SCEL: variants seen among roughly 807,000 people sequenced by gnomAD.
SCEL encodes the protein sciellin.
A neutral mutation model predicts 117.6 loss-of-function variants in SCEL; 113 were observed. The observed-to-expected ratio is 0.96, with a 90% CI of 0.83 to 1.12. The LOEUF is 1.12. Among genes scored for constraint, SCEL ranks in the 50% most tolerant of loss-of-function variants. The pLI, the probability that SCEL is intolerant of heterozygous loss-of-function variation, is 0.00. For synonymous variants in SCEL, 270 were observed against 256.2 expected (o/e 1.05, Z -0.51); for missense variants, 785 against 810.8 (o/e 0.97, Z 0.39).
At chr13:77,593,695 T>A in intron 12 of SCEL, 122 bp downstream of exon 12, 1 of 631,534 alleles carries the variant, frequency 1.6e-6, no homozygotes, top group Non-Finnish European at 2.7e-6. Flanking sequence ...GTATATAATT[T>A]AAAATAAGAA....
At chr13:77,630,061 A>C (rs1041085216) in intron 28 of SCEL, among the ~76,000 whole-genome samples, 3 of 152,128 alleles carry the variant, frequency 2.0e-5, no homozygotes, top group Non-Finnish European at 4.4e-5. Flanking sequence ...TGGGGAAAAC[A>C]GGTTTTGGTT....
intron 31 of SCEL, among the ~76,000 whole-genome samples, chr13:77,641,006 T>G (rs1051716011): frequency 3.3e-5 from 5 of 152,146 alleles, no homozygotes; most frequent in African/African-American, 1.2e-4. Context: ...ACTGACACAT[T>G]TATTCACTCT....
At chr13:77,571,865 A>G (rs1249291830) in intron 8 of SCEL, among the ~76,000 whole-genome samples, 1 of 152,002 alleles carries the variant, frequency 6.6e-6, no homozygotes, top group African/African-American at 2.4e-5. Context: ...TGTTTTCTAG[A>G]TTTGCTTTAG....
chr13:77,617,596 A>C lies in SCEL; in HGVS notation c.1452-3A>C. On this transcript the variant is annotated splice_polypyrimidine_tract_variant and splice_region_variant and intron_variant, in intron 24 of 32. Coordinates refer to ENST00000349847, the MANE Select transcript of SCEL (RefSeq NM_144777.3). ...GTTGCTTTAATATTTTTTCCACTTAAAGAAAACAAGATCTTGATAAACTCA... is the reference window on the plus strand; with the variant it reads ...GTTGCTTTAATATTTTTTCCACTTACAGAAAACAAGATCTTGATAAACTCA... The C allele has an allele frequency of 6.3e-7, 1 of 1,575,970 alleles. No homozygotes were observed.
At chr13:77,559,510 AAACACAACACAACAC>A (rs5804911) in intron 3 of SCEL, among the ~76,000 whole-genome samples, 6 of 151,174 alleles carry the variant, frequency 4.0e-5, no homozygotes, top group South Asian at 2.1e-4. Flanking sequence ...CAGTCTGATA[AAACACAACACAACAC>A]AACACAACAC....
chr13:77,590,367 T>C (rs980642951), intron 10 of SCEL, among the ~76,000 whole-genome samples: 1 of 152,148 alleles, frequency 6.6e-6, no homozygotes, highest in African/African-American at 2.4e-5. Context: ...AAAATATAGA[T>C]CAGATTTATA....
In SCEL at chr13:77,568,483, G is replaced by T. The variant is rs542662951; in HGVS notation, c.398+150G>T. 6.9e-5 allele frequency: 37 copies of T among 537,910 alleles called. No homozygotes were observed. In the South Asian group the frequency reaches 9.9e-4, roughly 14 times the overall value. 33.3% of individuals were successfully genotyped at this position (537,910 alleles called of 1,614,324 possible). ...GTAGAAGACAATACCAAAATGGTCT[G>T]TAAAGGTTCAAATGTGACTATCTGG... is the stretch of plus-strand genomic sequence containing the variant. On this transcript the variant is annotated intron_variant, in intron 7 of 32. Coordinates refer to ENST00000349847, the MANE Select transcript of SCEL (RefSeq NM_144777.3).
intron 9 of SCEL, among the ~76,000 whole-genome samples, chr13:77,575,463 A>T (rs1009410411): frequency 1.3e-5 from 2 of 152,184 alleles, no homozygotes; most frequent in African/African-American, 4.8e-5. Flanking sequence ...AGAGTTTTTT[A>T]AAATTATCAT....
intron 28 of SCEL, among the ~76,000 whole-genome samples, chr13:77,628,213 A>C (rs1234974516): frequency 6.7e-6 from 1 of 150,336 alleles, no homozygotes; most frequent in Non-Finnish European, 1.5e-5. Context: ...AAAAATTTAC[A>C]AGGTGCTTAA....
Position 77,589,161 on chromosome 13 carries a change from C to T in SCEL, c.563C>T (p.Pro188Leu). 1.9e-6 allele frequency: 3 copies of T among 1,612,896 alleles called. No homozygotes were observed. The highest frequency in any genetic ancestry group is 2.5e-6 in the Non-Finnish European group (3 of 1,179,024). Reference sequence around the variant, plus strand: ...TTTTAAAGGGAACCAGGTGTTCACCCTCCAATACCTCCAAAGCCCAGTTCT... The same window carrying T: ...TTTTAAAGGGAACCAGGTGTTCACCTTCCAATACCTCCAAAGCCCAGTTCT... ...GTRRREPGVH[P>L]PIPPKPSSPV... Residue 188 changes from proline (P) to leucine (L), a missense_variant, in exon 10 of 33, where the codon CCT (proline) becomes CTT (leucine). By Grantham distance (98) the Pro-to-Leu change is moderately conservative. Coordinates refer to ENST00000349847, the MANE Select transcript of SCEL (RefSeq NM_144777.3).
chr13:77,614,134 G>A (rs968280186), intron 24 of SCEL, among the ~76,000 whole-genome samples, 179 bp downstream of exon 24: 3 of 152,168 alleles, frequency 2.0e-5, no homozygotes, highest in African/African-American at 4.8e-5. Flanking sequence ...TGGAAACAAT[G>A]TATGGCGGTG....
At chr13:77,620,376 G>C (rs2089343672) in intron 27 of SCEL, among the ~76,000 whole-genome samples, 1 of 152,092 alleles carries the variant, frequency 6.6e-6, no homozygotes, top group African/African-American at 2.4e-5. Context: ...ACAAGGCACT[G>C]TTATATCAAT....
At chr13:77,637,228 A>G in intron 30 of SCEL, 34 bp downstream of exon 30, 1 of 1,064,020 alleles carries the variant, frequency 9.4e-7, no homozygotes, top group Non-Finnish European at 1.3e-6. Context: ...CATAAAAAGT[A>G]CACACATACA....
At chr13:77,641,538 G>T (rs1488416915) in intron 31 of SCEL, among the ~76,000 whole-genome samples, 1 of 152,088 alleles carries the variant, frequency 6.6e-6, no homozygotes, top group African/African-American at 2.4e-5. Context: ...TCTCAACCCT[G>T]GCTGCATATT....
intron 8 of SCEL, among the ~76,000 whole-genome samples, chr13:77,571,051 T>A (rs1423752108): frequency 6.6e-6 from 1 of 151,168 alleles, no homozygotes; most frequent in African/African-American, 2.4e-5. Flanking sequence ...AGGCTGGTCT[T>A]GAGCTCCTGA....
intron 8 of SCEL, among the ~76,000 whole-genome samples, chr13:77,571,286 G>A (rs1185769907): frequency 6.7e-6 from 1 of 150,240 alleles, no homozygotes; most frequent in East Asian, 2.0e-4. Flanking sequence ...GCAACTCGGA[G>A]GCTGAGGCAG....
At chr13:77,560,166 C>T (rs572108127) in intron 4 of SCEL, among the ~76,000 whole-genome samples, 1 of 151,488 alleles carries the variant, frequency 6.6e-6, no homozygotes, top group South Asian at 2.1e-4. Flanking sequence ...TGCCATGGCT[C>T]ATACCTGTAA....
chr13:77,626,060 ACT>A (rs2089715209), intron 27 of SCEL, among the ~76,000 whole-genome samples: 1 of 152,162 alleles, frequency 6.6e-6, no homozygotes, highest in South Asian at 2.1e-4. Context: ...CATATCCAAG[ACT>A]GGGTAATTTA....
intron 27 of SCEL, among the ~76,000 whole-genome samples, chr13:77,620,321 T>C (rs2089340909): frequency 6.6e-6 from 1 of 152,158 alleles, no homozygotes; most frequent in Non-Finnish European, 1.5e-5. Context: ...AATGCAGCTA[T>C]AAAGGAGAGT....
Sources: gnomAD v4.1 joint callset for allele counts (sites outside exome capture counted in the v4.1 genomes callset) on GRCh38, gnomAD v4.1.1 for gene constraint, MANE v1.5 for transcripts, NCBI Gene and HGNC (gene_info 2026-07-23, HGNC 2026-07-21) for gene names.